CHRNA5: variants seen among roughly 807,000 people sequenced by gnomAD.
CHRNA5 encodes neuronal acetylcholine receptor subunit alpha-5.
CHRNA5 carries 28 observed loss-of-function variants against 41.2 expected under a neutral mutation model. The observed-to-expected ratio is 0.68, with a 90% confidence interval of 0.50 to 0.93. CHRNA5 has a LOEUF of 0.93. Ranked by LOEUF, CHRNA5 falls within the 40% of genes least tolerant of loss-of-function variation. The probability of loss-of-function intolerance (pLI) is 0.00; values close to 1 mark genes in which losing one functional copy is unlikely to be tolerated. For missense variants in CHRNA5, 481 were observed against 581.9 expected (o/e 0.83, Z 1.78); for synonymous variants, 188 against 205.8 (o/e 0.91, Z 0.74).
intron 5 of CHRNA5, among the ~76,000 whole-genome samples, chr15:78,592,784 GAA>G (rs1350880619): frequency 6.6e-6 from 1 of 152,030 alleles, no homozygotes; most frequent in Non-Finnish European, 1.5e-5. Context: ...TATATAGTAA[GAA>G]TAATTTTTTT....
intron 1 of CHRNA5, among the ~76,000 whole-genome samples, chr15:78,569,432 ATT>A (rs202079097): frequency 1.0e-4 from 14 of 137,336 alleles, no homozygotes; most frequent in Non-Finnish European, 7.9e-5. Flanking sequence ...AAATATTGGA[ATT>A]TTTTTTTTTT....
chr15:78,592,872 G>A (rs998573296), intron 5 of CHRNA5, among the ~76,000 whole-genome samples: 12 of 152,088 alleles, frequency 7.9e-5, no homozygotes, highest in African/African-American at 2.9e-4. Flanking sequence ...ATAAGTTGAT[G>A]TGTAAATGAA....
chr15:78,592,193 G>A (rs563624625), intron 5 of CHRNA5, among the ~76,000 whole-genome samples: 3 of 152,274 alleles, frequency 2.0e-5, no homozygotes, highest in Non-Finnish European at 2.9e-5. Flanking sequence ...ATGGTGGTGT[G>A]TGCCTGTAGT....
chr15:78,587,221 C>G (rs772712192), intron 3 of CHRNA5, among the ~76,000 whole-genome samples: 7 of 152,098 alleles, frequency 4.6e-5, no homozygotes, highest in Non-Finnish European at 8.8e-5. Context: ...CCTCATGGAA[C>G]TTCATTCTAG....
chr15:78,592,724 A>T (rs1427815837), intron 5 of CHRNA5, among the ~76,000 whole-genome samples: 1 of 152,234 alleles, frequency 6.6e-6, no homozygotes, highest in Non-Finnish European at 1.5e-5. Context: ...CTCAGGCTAG[A>T]GTCTCTCAAA....
chr15:78,568,860 C>T (rs1596054789), intron 1 of CHRNA5, among the ~76,000 whole-genome samples: 2 of 152,012 alleles, frequency 1.3e-5, no homozygotes, highest in South Asian at 4.2e-4. Flanking sequence ...AATGGCTGAA[C>T]CTTAATTTTA....
At chr15:78,570,716 T>G (rs1274894377) in intron 1 of CHRNA5, among the ~76,000 whole-genome samples, 1 of 152,148 alleles carries the variant, frequency 6.6e-6, no homozygotes, top group Non-Finnish European at 1.5e-5. Flanking sequence ...TAGGTTTTAT[T>G]TTTATCTGGT....
exon 6 of CHRNA5, chr15:78,595,186 T>G: frequency 6.3e-6 from 4 of 633,358 alleles, no homozygotes; most frequent in Non-Finnish European, 7.9e-6. Context: ...GCCAGCTACC[T>G]ACCTTAGTTC....
At chr15:78,576,798 CAA>C (rs150275412) in intron 1 of CHRNA5, among the ~76,000 whole-genome samples, 42 of 97,652 alleles carry the variant, frequency 4.3e-4, no homozygotes, top group Admixed American at 1.4e-3. Flanking sequence ...GACCCAGTCT[CAA>C]AAAAAAAAAA....
At chr15:78,584,228 ATT>A (rs1156245101) in intron 2 of CHRNA5, among the ~76,000 whole-genome samples, 1 of 152,140 alleles carries the variant, frequency 6.6e-6, no homozygotes, top group African/African-American at 2.4e-5. Flanking sequence ...CCGGAATCAT[ATT>A]TGGTGGATTC....
intron 5 of CHRNA5, 185 bp from the exon 6 acceptor site, chr15:78,592,907 C>G: frequency 2.0e-6 from 1 of 511,226 alleles, no homozygotes; most frequent in Non-Finnish European, 3.3e-6. Context: ...TCTTTTAAAG[C>G]TTATATCTAT....
At chr15:78,592,051 C>T (rs1200043474) in intron 5 of CHRNA5, among the ~76,000 whole-genome samples, 4 of 152,134 alleles carry the variant, frequency 2.6e-5, no homozygotes, top group East Asian at 1.9e-4. Context: ...TGGCCAGGTG[C>T]GGTGGCTCAC....
intron 1 of CHRNA5, among the ~76,000 whole-genome samples, chr15:78,571,266 G>A (rs939923380): frequency 6.6e-6 from 1 of 152,208 alleles, no homozygotes; most frequent in African/African-American, 2.4e-5. Flanking sequence ...ATGAATTGTA[G>A]CCCAAACAAT....
intron 1 of CHRNA5, among the ~76,000 whole-genome samples, chr15:78,574,032 C>CT (rs1481075348): frequency 7.6e-6 from 1 of 132,160 alleles, no homozygotes. Context: ...CCAGGATGGT[C>CT]TCAAACTCCT....
intron 1 of CHRNA5, among the ~76,000 whole-genome samples, chr15:78,572,301 AT>A (rs1423759505): frequency 6.6e-6 from 1 of 152,118 alleles, no homozygotes; most frequent in East Asian, 1.9e-4. Context: ...TAATTACAGC[AT>A]TTTTTCCCAT....
At chr15:78,578,027 T>C (rs1220551718) in intron 1 of CHRNA5, among the ~76,000 whole-genome samples, 3 of 151,984 alleles carry the variant, frequency 2.0e-5, no homozygotes, top group African/African-American at 7.3e-5. Flanking sequence ...AGAGGAGAAA[T>C]GGTTCAATAA....
At chr15:78,590,029 T>C (rs759969645) in exon 5 of CHRNA5, 1 of 1,614,186 alleles carries the variant, frequency 6.2e-7, no homozygotes, top group Admixed American at 1.7e-5. Flanking sequence ...AGAGATTTTT[T>C]TGATAATGGA....
At chr15:78,584,524 C>T (rs1043179837) in intron 2 of CHRNA5, among the ~76,000 whole-genome samples, 5 of 152,174 alleles carry the variant, frequency 3.3e-5, no homozygotes, top group East Asian at 3.9e-4. Flanking sequence ...TTAAATTAGG[C>T]GGTATCCCTT....
At chr15:78,582,428 T>G (rs1335753496) in intron 2 of CHRNA5, among the ~76,000 whole-genome samples, 1 of 150,074 alleles carries the variant, frequency 6.7e-6, no homozygotes, top group Non-Finnish European at 1.5e-5. Flanking sequence ...GAGGTTGCAG[T>G]GAGTTGAGAT....
Sources: allele counts gnomAD v4.1 joint callset (sites outside exome capture counted in the v4.1 genomes callset), GRCh38; gene constraint gnomAD v4.1.1; transcripts MANE v1.5; gene names NCBI Gene and HGNC (gene_info 2026-07-23, HGNC 2026-07-21).